The following ERC2 variants were observed in gnomAD, a reference collection of about 807,000 sequenced individuals.
The protein encoded by ERC2 is ERC protein 2.
A neutral mutation model predicts 114.8 loss-of-function variants in ERC2; 42 were observed. The observed-to-expected ratio is 0.37, with a 90% CI of 0.29 to 0.47. The LOEUF is 0.47. Ranked by LOEUF, ERC2 falls within the 20% of genes least tolerant of loss-of-function variation. The pLI, the probability that ERC2 is intolerant of heterozygous loss-of-function variation, is 0.99. For missense variants in ERC2, 939 were observed against 1,150.7 expected, an observed-to-expected ratio of 0.82 and a Z score of 2.66; for synonymous variants, 454 against 425.5, an observed-to-expected ratio of 1.07 and a Z score of -0.82.
chr3:56,272,535 C>A (rs2053722584), intron 3 of ERC2, among the ~76,000 whole-genome samples: 1 of 152,184 alleles, frequency 6.6e-6, no homozygotes, highest in South Asian at 2.1e-4. Context: ...TTTGGGAGGC[C>A]AAGGCAGGCA....
chr3:56,391,034 G>A (rs1247120858), intron 2 of ERC2, among the ~76,000 whole-genome samples: 1 of 152,152 alleles, frequency 6.6e-6, no homozygotes, highest in African/African-American at 2.4e-5. Flanking sequence ...TCAGTTTAAT[G>A]GGAACAACAG....
At chr3:56,118,641 T>C (rs552573630) in intron 6 of ERC2, among the ~76,000 whole-genome samples, 35 of 149,220 alleles carry the variant, frequency 2.3e-4, no homozygotes, top group African/African-American at 7.1e-4. Flanking sequence ...CTTTTCTTTT[T>C]TTTTTTTTTT....
chr3:55,895,681 C>T (rs2063808512), intron 13 of ERC2, among the ~76,000 whole-genome samples: 1 of 152,154 alleles, frequency 6.6e-6, no homozygotes, highest in South Asian at 2.1e-4. Flanking sequence ...GACATAGCAC[C>T]AGTATCCACA....
intron 17 of ERC2, among the ~76,000 whole-genome samples, chr3:55,566,033 G>GTCT (rs1306360984): frequency 1.3e-5 from 2 of 152,342 alleles, no homozygotes; most frequent in Admixed American, 1.3e-4. Flanking sequence ...GGGGGGAAAT[G>GTCT]TCTTAGCCAC....
At chr3:56,275,765 C>T (rs1372963654) in intron 3 of ERC2, among the ~76,000 whole-genome samples, 1 of 152,144 alleles carries the variant, frequency 6.6e-6, no homozygotes, top group Non-Finnish European at 1.5e-5. Flanking sequence ...AGTGGTTTTT[C>T]AACAGGGGAT....
chr3:55,722,789 A>G (rs745536595), intron 15 of ERC2, among the ~76,000 whole-genome samples: 1 of 152,172 alleles, frequency 6.6e-6, no homozygotes, highest in Non-Finnish European at 1.5e-5. Flanking sequence ...CACTTCCTGT[A>G]GTAGGATTCT....
chr3:55,958,849 C>T (rs1035107090), intron 12 of ERC2, among the ~76,000 whole-genome samples: 12 of 152,322 alleles, frequency 7.9e-5, no homozygotes, highest in East Asian at 5.8e-4. Flanking sequence ...GCACTGGGGG[C>T]TTCCCGGCCC....
At chr3:55,576,378 G>A (rs11709710) in intron 17 of ERC2, among the ~76,000 whole-genome samples, 19,702 of 152,036 alleles carry the variant, frequency 0.13, 1,359 homozygotes, top group Middle Eastern at 0.17. Flanking sequence ...AGGAACTACT[G>A]GCAGTTTATA....
At chr3:55,584,639 G>A (rs746624741) in intron 17 of ERC2, among the ~76,000 whole-genome samples, 5 of 152,184 alleles carry the variant, frequency 3.3e-5, no homozygotes, top group Non-Finnish European at 5.9e-5. Context: ...CATATGCCAC[G>A]TAAACCCTCA....
intron 1 of ERC2, among the ~76,000 whole-genome samples, chr3:56,463,418 C>A (rs1274214917): frequency 6.6e-6 from 1 of 152,162 alleles, no homozygotes; most frequent in Non-Finnish European, 1.5e-5. Context: ...AAAACTTCCA[C>A]CTATGCCATT....
At chr3:56,183,418 T>C (rs1423060676) in intron 3 of ERC2, among the ~76,000 whole-genome samples, 1 of 152,228 alleles carries the variant, frequency 6.6e-6, no homozygotes, top group African/African-American at 2.4e-5. Context: ...GTCACAGCTA[T>C]TTCATCGCGT....
intron 14 of ERC2, among the ~76,000 whole-genome samples, chr3:55,858,445 G>A (rs2061882659): frequency 6.6e-6 from 1 of 152,138 alleles, no homozygotes; most frequent in Admixed American, 6.5e-5. Flanking sequence ...GCTGCCACGA[G>A]GCAATGTGTG....
intron 14 of ERC2, among the ~76,000 whole-genome samples, chr3:55,851,026 T>G (rs1458893720): frequency 2.0e-5 from 3 of 152,088 alleles, no homozygotes; most frequent in African/African-American, 7.2e-5. Flanking sequence ...TCAAATAGCC[T>G]GGAGAGCCAG....
chr3:56,458,090 T>C (rs1260151521), intron 1 of ERC2, among the ~76,000 whole-genome samples: 1 of 152,220 alleles, frequency 6.6e-6, no homozygotes, highest in East Asian at 1.9e-4. Flanking sequence ...CATACACTTT[T>C]ACGACGACTA....
chr3:56,322,215 C>T (rs190717290), intron 2 of ERC2, among the ~76,000 whole-genome samples: 1 of 152,182 alleles, frequency 6.6e-6, no homozygotes, highest in African/African-American at 2.4e-5. Context: ...AGTTGTTTAT[C>T]AAATAATAGC....
At chr3:56,228,576 A>G (rs1269823435) in intron 3 of ERC2, among the ~76,000 whole-genome samples, 1 of 152,176 alleles carries the variant, frequency 6.6e-6, no homozygotes, top group East Asian at 1.9e-4. Flanking sequence ...TTATGTCTAT[A>G]TCACCTTTTG....
chr3:56,256,477 T>A (rs982072616), intron 3 of ERC2, among the ~76,000 whole-genome samples: 1 of 152,146 alleles, frequency 6.6e-6, no homozygotes, highest in South Asian at 2.1e-4. Flanking sequence ...TCGAGAGAGT[T>A]TGCTCTTGAT....
intron 2 of ERC2, among the ~76,000 whole-genome samples, chr3:56,349,332 A>T (rs959753050): frequency 6.6e-6 from 1 of 152,182 alleles, no homozygotes; most frequent in Non-Finnish European, 1.5e-5. Context: ...TAAGTGAACC[A>T]TTGGCTACAA....
chr3:56,152,364 A>T (rs555867420), intron 4 of ERC2, among the ~76,000 whole-genome samples: 8 of 151,742 alleles, frequency 5.3e-5, no homozygotes, highest in Non-Finnish European at 8.8e-5. Flanking sequence ...TCAAAACAAC[A>T]ATTTGGATTC....
Sources: gnomAD v4.1 joint callset for allele counts (sites outside exome capture counted in the v4.1 genomes callset) on GRCh38, gnomAD v4.1.1 for gene constraint, MANE v1.5 for transcripts, NCBI Gene and HGNC (gene_info 2026-07-23, HGNC 2026-07-21) for gene names.